Variants in EBF1 observed in about 807,000 individuals in gnomAD.
EBF1 encodes transcription factor COE1.
EBF1 carries 10 observed loss-of-function variants against 68.4 expected under a neutral mutation model. That is an observed-to-expected ratio of 0.15 (90% CI 0.09 to 0.25). The LOEUF is 0.25. Ranked by LOEUF, EBF1 falls within the 10% of genes least tolerant of loss-of-function variation. The pLI is 1.00. For missense variants in EBF1, 509 were observed against 794.4 expected, an observed-to-expected ratio of 0.64 and a Z score of 4.32; for synonymous variants, 298 against 299.8, an observed-to-expected ratio of 0.99 and a Z score of 0.06.
At chr5:158,812,597 G>T (rs1189815584) in intron 8 of EBF1, among the ~76,000 whole-genome samples, 1 of 152,108 alleles carries the variant, frequency 6.6e-6, no homozygotes, top group Non-Finnish European at 1.5e-5. Context: ...CTTTAGACCC[G>T]GTGGTTCCTG....
chr5:159,028,655 C>T (rs943683441), intron 6 of EBF1, among the ~76,000 whole-genome samples: 1 of 152,162 alleles, frequency 6.6e-6, no homozygotes, highest in African/African-American at 2.4e-5. Flanking sequence ...TCCCCTGCAC[C>T]AAGCACAGTG....
intron 6 of EBF1, among the ~76,000 whole-genome samples, chr5:158,864,624 G>A (rs1292140871): frequency 2.0e-5 from 3 of 152,028 alleles, no homozygotes; most frequent in African/African-American, 7.2e-5. Flanking sequence ...AGACTCACAA[G>A]TTAAAAAAAG....
chr5:158,707,856 CAG>C, intron 15 of EBF1, 121 bp downstream of exon 15: 1 of 1,187,818 alleles, frequency 8.4e-7, no homozygotes, highest in Non-Finnish European at 1.2e-6. Flanking sequence ...GAGATGAGGG[CAG>C]AGAGAATCAG....
chr5:159,087,441 C>CAT (rs942627906), intron 4 of EBF1, among the ~76,000 whole-genome samples: 7 of 71,542 alleles, frequency 9.8e-5, no homozygotes, highest in East Asian at 2.9e-4. Flanking sequence ...CATATATATA[C>CAT]ATATATATAT....
intron 7 of EBF1, among the ~76,000 whole-genome samples, chr5:158,825,618 A>G (rs1785921706): frequency 6.6e-6 from 1 of 152,154 alleles, no homozygotes; most frequent in African/African-American, 2.4e-5. Context: ...CAAAAATGTC[A>G]AAAACGGTTA....
intron 10 of EBF1, among the ~76,000 whole-genome samples, chr5:158,758,120 AT>A (rs1210980802): frequency 1.3e-5 from 2 of 152,218 alleles, no homozygotes; most frequent in Non-Finnish European, 2.9e-5. Flanking sequence ...AGATATGCTT[AT>A]TTATTTTCTC....
chr5:158,706,829 C>T (rs990147677), intron 15 of EBF1, among the ~76,000 whole-genome samples: 6 of 152,166 alleles, frequency 3.9e-5, no homozygotes, highest in African/African-American at 1.4e-4. Context: ...TTATCATTTG[C>T]ACAATGAAGA....
Position 159,047,263 on chromosome 5 carries a change from G to A in EBF1, c.554+26133C>T, listed in dbSNP as rs576843667. On this transcript the variant is annotated intron_variant, in intron 6 of 15. Transcript: ENST00000313708. ...AAGGAATGTCCGTGACAGAAGCAATGGGAACAGCAGATGAGTAAGAAAGTT... is the reference window on the plus strand; with the variant it reads ...AAGGAATGTCCGTGACAGAAGCAATAGGAACAGCAGATGAGTAAGAAAGTT... 3.3e-5 allele frequency among the ~76,000 whole-genome samples: 5 copies of A among 152,306 alleles called. No individual in the cohort carries two copies. The South Asian group carries it at 8.3e-4, about 25-fold the overall frequency.
intron 4 of EBF1, among the ~76,000 whole-genome samples, chr5:159,092,412 A>G (rs755061039): frequency 2.0e-5 from 3 of 152,150 alleles, no homozygotes; most frequent in Non-Finnish European, 4.4e-5. Flanking sequence ...GGGATCTCAG[A>G]TTCTTATATA....
At chr5:159,051,479 A>T (rs1373449930) in intron 6 of EBF1, among the ~76,000 whole-genome samples, 1 of 121,560 alleles carries the variant, frequency 8.2e-6, no homozygotes, top group Non-Finnish European at 1.7e-5. Context: ...CTCCCGCTCC[A>T]CATGTGCGAC....
intron 10 of EBF1, among the ~76,000 whole-genome samples, chr5:158,757,123 A>G (rs1770300622): frequency 6.6e-6 from 1 of 152,168 alleles, no homozygotes; most frequent in Admixed American, 6.6e-5. Flanking sequence ...GTGGTGGTAC[A>G]GATGGCAAGA....
rs115673167 is a variant in EBF1, at chr5:159,024,778, G to T, written c.554+48618C>A. On this transcript the variant is annotated intron_variant, in intron 6 of 15. Coordinates refer to ENST00000313708, the MANE Select transcript of EBF1 (RefSeq NM_024007.5). ...GCTTTATAGAATTGTCTCTAAGTAA[G>T]AGTGACCACTAACCAGAAGCATTCT... Among the ~76,000 whole-genome samples the T allele has an allele frequency of 4.5e-3, 689 of 152,318 alleles. 5 individuals are homozygous for T. Among genetic ancestry groups the T allele is most frequent in the African/African-American group, 0.015 (639 of 41,574 alleles).
intron 6 of EBF1, among the ~76,000 whole-genome samples, chr5:158,992,138 C>A (rs1001454763): frequency 1.3e-5 from 2 of 151,180 alleles, no homozygotes; most frequent in African/African-American, 2.4e-5. Context: ...GGTTGGGGAA[C>A]GTTTAAACCA....
chr5:158,873,281 C>A (rs1192233666), intron 6 of EBF1, among the ~76,000 whole-genome samples: 2 of 152,064 alleles, frequency 1.3e-5, no homozygotes, highest in African/African-American at 4.8e-5. Context: ...CGTCTTTACC[C>A]CCACTAGCAT....
intron 10 of EBF1, among the ~76,000 whole-genome samples, chr5:158,756,836 G>A (rs1307264358): frequency 6.6e-6 from 1 of 151,936 alleles, no homozygotes; most frequent in Admixed American, 6.6e-5. Flanking sequence ...TGTGCCTATG[G>A]ATTTAGGACA....
intron 6 of EBF1, among the ~76,000 whole-genome samples, chr5:158,936,109 G>T (rs1811965783): frequency 6.6e-6 from 1 of 152,308 alleles, no homozygotes; most frequent in East Asian, 1.9e-4. Flanking sequence ...TTCCCTAGGT[G>T]TCTGACAACA....
chr5:158,870,191 T>C (rs1262166677), intron 6 of EBF1, among the ~76,000 whole-genome samples: 1 of 152,204 alleles, frequency 6.6e-6, no homozygotes, highest in African/African-American at 2.4e-5. Flanking sequence ...AAATACACTG[T>C]TCATAATTGA....
chr5:159,095,722 C>A, intron 3 of EBF1, 47 bp from the exon 4 acceptor site: 1 of 1,598,480 alleles, frequency 6.3e-7, no homozygotes, highest in Non-Finnish European at 8.6e-7. Flanking sequence ...TGAGAGGTTA[C>A]GGAGGGTGGG....
chr5:158,879,077 C>T (rs371637323), intron 6 of EBF1, among the ~76,000 whole-genome samples: 1 of 152,142 alleles, frequency 6.6e-6, no homozygotes, highest in African/African-American at 2.4e-5. Context: ...GTCTACATCC[C>T]TATTATTCAC....
Sources: gnomAD v4.1 joint callset for allele counts (sites outside exome capture counted in the v4.1 genomes callset) on GRCh38, gnomAD v4.1.1 for gene constraint, MANE v1.5 for transcripts, NCBI Gene and HGNC (gene_info 2026-07-23, HGNC 2026-07-21) for gene names.